Variants in NEO1 observed in about 807,000 individuals in gnomAD.
NEO1 encodes neogenin 1.
Under a neutral mutation model 159.7 loss-of-function variants are expected in NEO1, and 63 were observed. The ratio of observed to expected loss-of-function variants is 0.39; its 90% CI spans 0.32 to 0.49. The LOEUF (loss-of-function observed/expected upper bound fraction) is 0.49. Among genes scored for constraint, NEO1 ranks in the 20% least tolerant of loss-of-function variants. The pLI is 0.85. For synonymous variants in NEO1, 633 were observed against 662.0 expected, an observed-to-expected ratio of 0.96 and a Z score of 0.67; for missense variants, 1,615 against 1,831.0, an observed-to-expected ratio of 0.88 and a Z score of 2.15.
intron 7 of NEO1, among the ~76,000 whole-genome samples, chr15:73,213,459 A>G (rs1021507031): frequency 9.2e-5 from 14 of 152,086 alleles, no homozygotes; most frequent in African/African-American, 3.4e-4. Flanking sequence ...AGTCCATATC[A>G]TTCTTAATGC....
chr15:73,292,091 C>A (rs1012621652), intron 25 of NEO1, among the ~76,000 whole-genome samples: 1 of 152,160 alleles, frequency 6.6e-6, no homozygotes. Context: ...TGAGGGAAAG[C>A]CCCTTTTTTG....
At chr15:73,220,072 T>G (rs1311822919) in intron 7 of NEO1, among the ~76,000 whole-genome samples, 1 of 152,216 alleles carries the variant, frequency 6.6e-6, no homozygotes, top group African/African-American at 2.4e-5. Flanking sequence ...CGGTTGTTCC[T>G]TTCCATGTTT....
intron 7 of NEO1, among the ~76,000 whole-genome samples, chr15:73,228,833 T>C (rs183745766): frequency 1.0e-3 from 152 of 152,322 alleles, no homozygotes; most frequent in African/African-American, 3.5e-3. Context: ...TTGAAAAGAC[T>C]GTTCTTCCCA....
At chr15:73,164,779 G>A (rs539639771) in intron 5 of NEO1, among the ~76,000 whole-genome samples, 36 of 152,292 alleles carry the variant, frequency 2.4e-4, no homozygotes, top group African/African-American at 8.2e-4. Context: ...AACCTTAAGT[G>A]TGCATTAATA....
chr15:73,063,617 G>A (rs1192141519), intron 1 of NEO1, among the ~76,000 whole-genome samples: 2 of 135,094 alleles, frequency 1.5e-5, no homozygotes, highest in Non-Finnish European at 3.2e-5. Context: ...TTTTAGATGC[G>A]CAGCCTTTTT....
At chr15:73,156,798 T>C (rs1357419348) in intron 5 of NEO1, among the ~76,000 whole-genome samples, 9 of 152,204 alleles carry the variant, frequency 5.9e-5, no homozygotes, top group Non-Finnish European at 4.4e-5. Flanking sequence ...CTCTGCGGAG[T>C]AGGGGCCAAG....
intron 7 of NEO1, 93 bp downstream of exon 7, chr15:73,178,520 A>G (rs1227494640): frequency 2.1e-6 from 3 of 1,399,548 alleles, no homozygotes; most frequent in Non-Finnish European, 2.9e-6. Flanking sequence ...ATAACCCATT[A>G]GTAAAGGCCA....
intron 27 of NEO1, among the ~76,000 whole-genome samples, chr15:73,299,399 T>TA (rs2042514181): frequency 6.6e-6 from 1 of 151,906 alleles, no homozygotes; most frequent in Admixed American, 6.6e-5. Context: ...TTTTTTTTTT[T>TA]ATTTGGGATG....
chr15:73,267,442 G>A (rs2040962011), intron 16 of NEO1, among the ~76,000 whole-genome samples: 1 of 151,726 alleles, frequency 6.6e-6, no homozygotes. Flanking sequence ...ACAACATGCA[G>A]GTTTGTTACA....
intron 5 of NEO1, among the ~76,000 whole-genome samples, chr15:73,151,190 C>T (rs2033343164): frequency 6.6e-6 from 1 of 152,124 alleles, no homozygotes; most frequent in Non-Finnish European, 1.5e-5. Flanking sequence ...ATGCATTTTC[C>T]TGATGAGTAG....
At chr15:73,052,221 G>A (rs947813320), upstream of NEO1, among the ~76,000 whole-genome samples, 9 of 147,262 alleles carry the variant, frequency 6.1e-5, no homozygotes, top group East Asian at 4.0e-4. Flanking sequence ...GGATTGGAGC[G>A]GGGGCGGGCC....
chr15:73,263,019 A>AG (rs1278782420), intron 15 of NEO1, among the ~76,000 whole-genome samples: 1 of 152,120 alleles, frequency 6.6e-6, no homozygotes, highest in Non-Finnish European at 1.5e-5. Flanking sequence ...GCCTGGAACC[A>AG]GGGGTGTTAG....
intron 9 of NEO1, among the ~76,000 whole-genome samples, chr15:73,247,143 A>T (rs1263604583): frequency 1.3e-5 from 2 of 152,236 alleles, no homozygotes; most frequent in African/African-American, 4.8e-5. Context: ...GGGATGGAGA[A>T]GAGACTATAA....
At chr15:73,270,275 A>T in intron 17 of NEO1, 41 bp from the exon 18 acceptor site, 1 of 1,613,876 alleles carries the variant, frequency 6.2e-7, no homozygotes, top group Non-Finnish European at 8.5e-7. Flanking sequence ...CTAATCATTG[A>T]TACTTTCTAA....
At chr15:73,168,705 G>A (rs1404772390) in intron 5 of NEO1, among the ~76,000 whole-genome samples, 2 of 152,072 alleles carry the variant, frequency 1.3e-5, no homozygotes, top group African/African-American at 4.8e-5. Context: ...TCTTGGAGAA[G>A]CCTATTCACC....
At chr15:73,233,537 G>A (rs1311253279) in intron 7 of NEO1, among the ~76,000 whole-genome samples, 2 of 152,092 alleles carry the variant, frequency 1.3e-5, no homozygotes, top group Non-Finnish European at 2.9e-5. Context: ...GAGGCATGTT[G>A]AGTGATTCCC....
chr15:73,123,613 G>A (rs1019614362), intron 3 of NEO1, among the ~76,000 whole-genome samples: 4 of 151,924 alleles, frequency 2.6e-5, no homozygotes, highest in Admixed American at 6.6e-5. Context: ...GCCCCTTCTG[G>A]TGTTCCTCAT....
intron 7 of NEO1, among the ~76,000 whole-genome samples, chr15:73,187,107 CGAA>C (rs1341455885): frequency 3.9e-5 from 6 of 152,064 alleles, no homozygotes; most frequent in Non-Finnish European, 7.4e-5. Flanking sequence ...TACTGTGTGT[CGAA>C]GATGCTCAGA....
chr15:73,071,316 G>C (rs998679604), intron 1 of NEO1, among the ~76,000 whole-genome samples: 2 of 152,040 alleles, frequency 1.3e-5, no homozygotes, highest in African/African-American at 4.8e-5. Context: ...GTGGTTCTGG[G>C]GCCTGGAAAT....
Sources: gnomAD v4.1 joint callset for allele counts (sites outside exome capture counted in the v4.1 genomes callset) on GRCh38, gnomAD v4.1.1 for gene constraint, MANE v1.5 for transcripts, NCBI Gene and HGNC (gene_info 2026-07-23, HGNC 2026-07-21) for gene names.